CHN1: variants seen among roughly 807,000 people sequenced by gnomAD.
CHN1 encodes the protein N-chimaerin.
Under a neutral mutation model 59.5 loss-of-function variants are expected in CHN1, and 37 were observed. The ratio of observed to expected loss-of-function variants is 0.62; its 90% CI spans 0.48 to 0.82. The LOEUF (loss-of-function observed/expected upper bound fraction) is 0.82, where lower values mean the gene tolerates loss of function less well. Among genes scored for constraint, CHN1 ranks in the 40% least tolerant of loss-of-function variants. The probability of loss-of-function intolerance (pLI) is 0.00; values close to 1 mark genes in which losing one functional copy is unlikely to be tolerated. For synonymous variants in CHN1, 206 were observed against 200.4 expected (o/e 1.03, Z -0.24); for missense variants, 469 against 571.0 (o/e 0.82, Z 1.82).
chr2:174,893,056 G>C (rs1688102569), intron 5 of CHN1, among the ~76,000 whole-genome samples: 1 of 152,096 alleles, frequency 6.6e-6, no homozygotes, highest in African/African-American at 2.4e-5. Flanking sequence ...CTAAGATCAG[G>C]AACAAGGCAA....
At chr2:174,948,692 A>C (rs1285987626) in intron 2 of CHN1, among the ~76,000 whole-genome samples, 1 of 152,232 alleles carries the variant, frequency 6.6e-6, no homozygotes, top group East Asian at 1.9e-4. Context: ...TTTTGACATT[A>C]AATTAAATCA....
At position 174,926,176 on chromosome 2, in the gene CHN1, A is replaced by G. The variant is rs56097952; in HGVS notation, c.115-7611T>C. ...TTCATTAAATTAACATTTACTGTGC[A>G]GTTTTATAAACAATGAACTACTTTC... On this transcript the variant is annotated intron_variant, in intron 3 of 12. Transcript: ENST00000409900. Among the ~76,000 whole-genome samples the G allele has an allele frequency of 9.5e-3, 1,452 of 152,246 alleles. 19 individuals carry two copies. The highest frequency in any genetic ancestry group is 0.016 in the Non-Finnish European group (1,094 of 68,008).
intron 5 of CHN1, among the ~76,000 whole-genome samples, chr2:174,882,460 G>C (rs1184605948): frequency 6.6e-6 from 1 of 152,016 alleles, no homozygotes; most frequent in Admixed American, 6.5e-5. Flanking sequence ...ATTCAGTCTA[G>C]AAGAAAAAAT....
chr2:174,997,743 T>C (rs1158307218), intron 1 of CHN1, among the ~76,000 whole-genome samples: 1 of 152,060 alleles, frequency 6.6e-6, no homozygotes, highest in Non-Finnish European at 1.5e-5. Flanking sequence ...ATATAAAAGA[T>C]ACAAAAGGCC....
chr2:175,004,704 G>C (rs1318031584), intron 1 of CHN1, among the ~76,000 whole-genome samples, 190 bp downstream of exon 1: 1 of 151,856 alleles, frequency 6.6e-6, no homozygotes, highest in South Asian at 2.1e-4. Flanking sequence ...CGGCCCTGCC[G>C]GGAGAGGAAA....
intron 5 of CHN1, among the ~76,000 whole-genome samples, chr2:174,913,050 A>C (rs565044600): frequency 9.3e-4 from 141 of 152,178 alleles, no homozygotes; most frequent in Non-Finnish European, 1.7e-3. Context: ...AAGAGATATG[A>C]AGGTCTGGGT....
intron 7 of CHN1, among the ~76,000 whole-genome samples, chr2:174,825,094 G>A (rs886684633): frequency 6.6e-6 from 1 of 152,164 alleles, no homozygotes. Context: ...TGTCCCCTCA[G>A]GTGCAGGCAC....
chr2:174,870,712 T>A (rs1180295261), intron 6 of CHN1, among the ~76,000 whole-genome samples: 2 of 152,226 alleles, frequency 1.3e-5, no homozygotes, highest in Non-Finnish European at 2.9e-5. Flanking sequence ...CAGAGTTGAT[T>A]CCTTTTGAAA....
At chr2:174,926,580 G>A (rs1161895666) in intron 3 of CHN1, among the ~76,000 whole-genome samples, 1 of 152,094 alleles carries the variant, frequency 6.6e-6, no homozygotes, top group Non-Finnish European at 1.5e-5. Flanking sequence ...TCAACCCTGT[G>A]CCAACCTGAG....
At chr2:174,886,352 T>C (rs889747939) in intron 5 of CHN1, among the ~76,000 whole-genome samples, 1 of 152,194 alleles carries the variant, frequency 6.6e-6, no homozygotes, top group African/African-American at 2.4e-5. Flanking sequence ...TACAGAAATA[T>C]CCCAAAGACT....
chr2:174,922,930 T>C (rs913964084), intron 3 of CHN1, among the ~76,000 whole-genome samples: 1 of 152,028 alleles, frequency 6.6e-6, no homozygotes, highest in African/African-American at 2.4e-5. Context: ...CATACACACG[T>C]AATATGTATT....
At chr2:174,904,432 A>C (rs555068008) in intron 5 of CHN1, among the ~76,000 whole-genome samples, 1 of 152,128 alleles carries the variant, frequency 6.6e-6, no homozygotes, top group South Asian at 2.1e-4. Flanking sequence ...CTCATTGCCC[A>C]GGCTTGAGTG....
chr2:174,990,248 TGTGTGTGTGTGTGTGA>T (rs1444119754), intron 1 of CHN1, among the ~76,000 whole-genome samples: 1 of 96,304 alleles, frequency 1.0e-5, no homozygotes, highest in African/African-American at 3.3e-5. Flanking sequence ...TGTGTGTGTG[TGTGTGTGTGTGTGTGA>T]GAGAGAGAGA....
intron 5 of CHN1, among the ~76,000 whole-genome samples, chr2:174,880,737 C>G (rs1205497904): frequency 2.6e-5 from 4 of 152,102 alleles, no homozygotes; most frequent in African/African-American, 9.7e-5. Context: ...TACAAATACA[C>G]AAAGTGCTAA....
rs148029807 is a variant in CHN1 at position 174,984,479 on chromosome 2, C to T, written c.19+20415G>A. 8.3e-3 allele frequency among the ~76,000 whole-genome samples: 1,251 copies of T among 151,350 alleles called. 13 individuals carry two copies. Among genetic ancestry groups the T allele is most frequent in the South Asian group, 0.028 (132 of 4,794 alleles). ...TGCCTCTCCGGTTGAAGCGATTCTCCTGCCTCAGCCTCCCAAGTAGCTGGG... is the reference window on the plus strand; with the variant it reads ...TGCCTCTCCGGTTGAAGCGATTCTCTTGCCTCAGCCTCCCAAGTAGCTGGG... On this transcript the variant is annotated intron_variant, in intron 1 of 12. Coordinates refer to ENST00000409900, the MANE Select transcript of CHN1 (RefSeq NM_001822.7).
At chr2:174,876,570 T>C (rs957562208) in intron 6 of CHN1, among the ~76,000 whole-genome samples, 2 of 152,128 alleles carry the variant, frequency 1.3e-5, no homozygotes, top group Non-Finnish European at 2.9e-5. Context: ...TATGAATATA[T>C]AAAAAAACAA....
At chr2:174,816,251 C>T (rs1685256197) in intron 8 of CHN1, among the ~76,000 whole-genome samples, 1 of 152,186 alleles carries the variant, frequency 6.6e-6, no homozygotes, top group Non-Finnish European at 1.5e-5. Flanking sequence ...ATCCCACTCA[C>T]AAGCTCAGCA....
chr2:174,882,110 C>T (rs1396968460), intron 5 of CHN1, among the ~76,000 whole-genome samples: 2 of 151,996 alleles, frequency 1.3e-5, no homozygotes, highest in African/African-American at 2.4e-5. Flanking sequence ...CTGTTTATTC[C>T]TTGGTGAACA....
chr2:174,964,316 T>C (rs749330964), intron 1 of CHN1, among the ~76,000 whole-genome samples: 13 of 152,238 alleles, frequency 8.5e-5, no homozygotes, highest in Non-Finnish European at 1.3e-4. Flanking sequence ...GGATGTCCTA[T>C]GGTCTTGGAG....
Sources: gnomAD v4.1 joint callset for allele counts (sites outside exome capture counted in the v4.1 genomes callset) on GRCh38, gnomAD v4.1.1 for gene constraint, MANE v1.5 for transcripts, NCBI Gene and HGNC (gene_info 2026-07-23, HGNC 2026-07-21) for gene names.